NXN: variants seen among roughly 807,000 people sequenced by gnomAD.
The protein encoded by NXN is nucleoredoxin, also known as nucleoredoxin 1.
NXN carries 16 observed loss-of-function variants against 48.6 expected under a neutral mutation model. The ratio of observed to expected loss-of-function variants is 0.33; its 90% CI spans 0.22 to 0.50. The LOEUF (loss-of-function observed/expected upper bound fraction) is 0.50. NXN is among the 20% of genes least tolerant of loss of function. The pLI, the probability that NXN is intolerant of heterozygous loss-of-function variation, is 0.98. For missense variants in NXN, 492 were observed against 605.5 expected, an observed-to-expected ratio of 0.81 and a Z score of 1.97; for synonymous variants, 281 against 269.6, an observed-to-expected ratio of 1.04 and a Z score of -0.41.
intron 1 of NXN, among the ~76,000 whole-genome samples, chr17:890,856 CAG>C (rs1023780184): frequency 3.9e-5 from 6 of 152,026 alleles, no homozygotes; most frequent in Non-Finnish European, 7.4e-5. Context: ...CCAGGCCTAT[CAG>C]GGGGATAGAA....
At chr17:924,124 G>A (rs1597245890) in intron 1 of NXN, among the ~76,000 whole-genome samples, 1 of 151,744 alleles carries the variant, frequency 6.6e-6, no homozygotes, top group Non-Finnish European at 1.5e-5. Flanking sequence ...CTGCCGTGCA[G>A]TGGCACGATT....
intron 1 of NXN, among the ~76,000 whole-genome samples, chr17:961,543 G>C (rs2069237780): frequency 6.6e-6 from 1 of 152,158 alleles, no homozygotes; most frequent in South Asian, 2.1e-4. Context: ...GGTAAAATGA[G>C]GTAAGCATCT....
intron 1 of NXN, among the ~76,000 whole-genome samples, chr17:856,678 C>T (rs772075218): frequency 4.6e-5 from 7 of 151,790 alleles, no homozygotes; most frequent in African/African-American, 7.3e-5. Flanking sequence ...TTAGTAGAGA[C>T]GGGGTTTCTC....
Position 849,603 on chromosome 17 carries a change from G to A in NXN, c.361-23525C>T, listed in dbSNP as rs2067902069. 6.6e-6 allele frequency among the ~76,000 whole-genome samples: 1 copy of A among 152,156 alleles called. No homozygotes were observed. The highest frequency in any genetic ancestry group is 1.9e-4 in the East Asian group (1 of 5,176). Reference sequence around the variant, plus strand: ...CGCACTGGCCCTCTCAGCCTCAGGGGCCGCTGGACTCCCTCTTCCCTCCCT... The same window carrying A: ...CGCACTGGCCCTCTCAGCCTCAGGGACCGCTGGACTCCCTCTTCCCTCCCT... On this transcript the variant is annotated intron_variant, in intron 1 of 7. Coordinates refer to ENST00000336868, the MANE Select transcript of NXN (RefSeq NM_022463.5). The surrounding 1 kb of genome is among the most constrained non-coding windows in gnomAD (Gnocchi z 4.2).
intron 1 of NXN, among the ~76,000 whole-genome samples, chr17:961,553 T>A (rs763877922): frequency 1.2e-4 from 18 of 152,206 alleles, no homozygotes; most frequent in Non-Finnish European, 1.9e-4. Context: ...GGTAAGCATC[T>A]TAACAGTTTT....
intron 1 of NXN, among the ~76,000 whole-genome samples, chr17:914,437 T>A (rs112942840): frequency 0.045 from 6,886 of 151,880 alleles, 254 homozygotes; most frequent in African/African-American, 0.089. Context: ...CCCAAAGTGC[T>A]GGTATTACAG....
intron 1 of NXN, among the ~76,000 whole-genome samples, chr17:861,278 C>T (rs2068037333): frequency 5.3e-5 from 8 of 152,152 alleles, no homozygotes; most frequent in Admixed American, 5.2e-4. Context: ...GGGTTACAAA[C>T]AAGTGCCACT....
intron 1 of NXN, among the ~76,000 whole-genome samples, chr17:834,633 C>T (rs765624729): frequency 3.9e-5 from 6 of 151,978 alleles, no homozygotes; most frequent in Non-Finnish European, 5.9e-5. Context: ...GATCCGCCCA[C>T]CTTGGCCTCC....
At chr17:856,679 G>T (rs571662991) in intron 1 of NXN, among the ~76,000 whole-genome samples, 3 of 151,786 alleles carry the variant, frequency 2.0e-5, no homozygotes, top group Admixed American at 2.0e-4. Flanking sequence ...TAGTAGAGAC[G>T]GGGTTTCTCC....
At chr17:963,214 G>GACACACACACACACACACACACACACAC (rs58535607) in intron 1 of NXN, among the ~76,000 whole-genome samples, 1 of 142,896 alleles carries the variant, frequency 7.0e-6, no homozygotes, top group African/African-American at 2.7e-5. Context: ...TACTGGGACG[G>GACACACACACACACACACACACACACAC]ACACACACAC....
Position 979,596 on chromosome 17 carries a change from G to A in NXN, c.83C>T (p.Ala28Val). ...GAGACCCAGCAGCGAGATGCCGCGG[G>A]CGCCCAGCGAGTGCACGTCCACCTC... The part of the protein sequence containing the change: ...GEEVDVHSLG[A>V]RGISLLGLYF... Residue 28 changes from alanine (A) to valine (V), a missense_variant, in exon 1 of 8, where the codon GCC (alanine) becomes GTC (valine). Transcript: ENST00000336868. 1 of 1,447,694 alleles carries A rather than the reference G, an allele frequency of 6.9e-7. No individual in the cohort carries two copies. The highest frequency in any genetic ancestry group is 9.1e-7 in the Non-Finnish European group (1 of 1,099,748). The allele number at this position is 1,447,694 out of a possible 1,614,324, so 89.7% of individuals were successfully genotyped here.
intron 1 of NXN, among the ~76,000 whole-genome samples, chr17:912,061 C>A (rs2068641772): frequency 6.6e-6 from 1 of 151,894 alleles, no homozygotes; most frequent in Non-Finnish European, 1.5e-5. Context: ...CCTCAGCCTC[C>A]CAAGTAGCAG....
chr17:840,032 G>A (rs1402205024), intron 1 of NXN, among the ~76,000 whole-genome samples: 1 of 151,544 alleles, frequency 6.6e-6, no homozygotes, highest in African/African-American at 2.4e-5. Context: ...AAGAGGTGGA[G>A]GTTGCAGTGA....
intron 5 of NXN, among the ~76,000 whole-genome samples, chr17:805,456 G>A (rs77990103): frequency 0.011 from 1,737 of 152,260 alleles, 68 homozygotes; most frequent in Admixed American, 0.068. Flanking sequence ...GAACCCCCTC[G>A]GGTCAGCCTG....
At chr17:812,052 C>G (rs1321063761) in intron 5 of NXN, among the ~76,000 whole-genome samples, 1 of 150,988 alleles carries the variant, frequency 6.6e-6, no homozygotes, top group Admixed American at 6.6e-5. Context: ...CTCAGCCTCC[C>G]GAGTAGCTGG....
At chr17:898,266 C>T (rs2068508064) in intron 1 of NXN, among the ~76,000 whole-genome samples, 1 of 152,158 alleles carries the variant, frequency 6.6e-6, no homozygotes, top group Non-Finnish European at 1.5e-5. Flanking sequence ...ACAAACAACC[C>T]TGGGGGAAAA....
intron 5 of NXN, chr17:819,036 T>G: frequency 3.3e-6 from 1 of 306,450 alleles, no homozygotes; most frequent in East Asian, 1.1e-4. Context: ...AACCTCTGCC[T>G]CCTGGGTTCA....
At chr17:813,225 C>T (rs1431282413) in intron 5 of NXN, among the ~76,000 whole-genome samples, 2 of 152,240 alleles carry the variant, frequency 1.3e-5, no homozygotes, top group African/African-American at 2.4e-5. Flanking sequence ...TATTTCGGCC[C>T]AGCCTGGCCA....
At chr17:924,728 C>CGTTCT (rs1491142595) in intron 1 of NXN, among the ~76,000 whole-genome samples, 2 of 152,120 alleles carry the variant, frequency 1.3e-5, no homozygotes, top group African/African-American at 4.8e-5. Context: ...CGTTCCGTTC[C>CGTTCT]GTTCCGTTCC....
Sources: gnomAD v4.1 joint callset for allele counts (sites outside exome capture counted in the v4.1 genomes callset) on GRCh38, gnomAD v4.1.1 for gene constraint, Gnocchi (gnomAD v3.1) non-coding constraint, MANE v1.5 for transcripts, NCBI Gene and HGNC (gene_info 2026-07-23, HGNC 2026-07-21) for gene names.